PARP8: variants seen among roughly 807,000 people sequenced by gnomAD.
The protein encoded by PARP8 is poly(ADP-ribose) polymerase family member 8.
PARP8 carries 51 observed loss-of-function variants against 124.1 expected under a neutral mutation model. The ratio of observed to expected loss-of-function variants is 0.41; its 90% CI spans 0.33 to 0.52. The LOEUF is 0.52. Among genes scored for constraint, PARP8 ranks in the 20% least tolerant of loss-of-function variants. PARP8 has a pLI of 0.21. For synonymous variants in PARP8, 391 were observed against 361.5 expected, an observed-to-expected ratio of 1.08 and a Z score of -0.93; for missense variants, 860 against 1,018.9, an observed-to-expected ratio of 0.84 and a Z score of 2.12.
At chr5:50,689,586 T>G (rs1752267489) in intron 2 of PARP8, among the ~76,000 whole-genome samples, 1 of 152,196 alleles carries the variant, frequency 6.6e-6, no homozygotes, top group African/African-American at 2.4e-5. Context: ...TCACATTTCA[T>G]GGACTCACAT....
intron 17 of PARP8, among the ~76,000 whole-genome samples, chr5:50,823,808 G>A (rs559151456): frequency 7.9e-5 from 12 of 152,294 alleles, no homozygotes; most frequent in African/African-American, 1.7e-4. Context: ...ACGACTGAGC[G>A]TCAGCCTAGG....
chr5:50,714,500 C>T (rs980547428), intron 2 of PARP8, among the ~76,000 whole-genome samples: 5 of 152,006 alleles, frequency 3.3e-5, no homozygotes, highest in Non-Finnish European at 7.4e-5. Flanking sequence ...TGGTTTGCTG[C>T]GCCTATCAAC....
At chr5:50,759,228 A>AT (rs533684690) in intron 3 of PARP8, among the ~76,000 whole-genome samples, 26 of 149,960 alleles carry the variant, frequency 1.7e-4, no homozygotes, top group East Asian at 5.9e-4. Flanking sequence ...CCACTAATAA[A>AT]TTTTTTTTTT....
At position 50,764,327 on chromosome 5, in the gene PARP8, G is replaced by C. The variant is rs556503655; in HGVS notation, c.518+1085G>C. ...CATCATGGGACATGCATGAAATATA[G>C]GCTGCCGGCTTCCTGATTATTTTCA... On this transcript the variant is annotated intron_variant, in intron 7 of 25. Coordinates refer to ENST00000281631, the MANE Select transcript of PARP8 (RefSeq NM_024615.4). Among the ~76,000 whole-genome samples, 16 of 152,236 alleles carry C rather than the reference G, an allele frequency of 1.1e-4. No individual in the cohort carries two copies. In the South Asian group the frequency reaches 3.3e-3, roughly 32 times the overall value.
At chr5:50,810,687 A>G (rs1744339589) in intron 14 of PARP8, among the ~76,000 whole-genome samples, 2 of 152,054 alleles carry the variant, frequency 1.3e-5, no homozygotes, top group Admixed American at 1.3e-4. Context: ...CTTCTCGGAA[A>G]TAAAGTGTGA....
rs187614394 is a variant in PARP8 at position 50,679,512 on chromosome 5, G to A, written c.146+11387G>A. The stretch of plus-strand genomic sequence containing the variant: ...GAAGTCAAAAATCCTGTTTCAGGGT[G>A]GGCTCTAGAGCTTTTGTCTTGGGCC... On this transcript the variant is annotated intron_variant, in intron 2 of 25. Transcript: ENST00000281631. 2.7e-3 allele frequency among the ~76,000 whole-genome samples: 414 copies of A among 152,248 alleles called. 2 individuals carry two copies. Among genetic ancestry groups the A allele is most frequent in the Non-Finnish European group, 3.4e-3 (234 of 68,006 alleles).
intron 9 of PARP8, 33 bp from the exon 10 acceptor site, chr5:50,788,490 C>A: frequency 6.3e-7 from 1 of 1,593,930 alleles, no homozygotes. Context: ...AGTTTCAAGT[C>A]AATATGTGAC....
chr5:50,805,993 C>G (rs1468988953), intron 14 of PARP8, among the ~76,000 whole-genome samples: 1 of 152,012 alleles, frequency 6.6e-6, no homozygotes, highest in African/African-American at 2.4e-5. Flanking sequence ...TCAGTACTCA[C>G]CTGTTGATAT....
rs957040725 is a variant in PARP8 at position 50,813,278 on chromosome 5, G to C, written c.1576-2154G>C. Among the ~76,000 whole-genome samples the C allele has an allele frequency of 2.9e-3, 440 of 152,252 alleles. 2 individuals carry two copies. The highest frequency in any genetic ancestry group is 0.01 in the African/African-American group (426 of 41,548). On this transcript the variant is annotated intron_variant, in intron 14 of 25. Transcript: ENST00000281631. ...TCCTCTTTTATTTCGTTGAGCAGTG[G>C]TTTGTAGTTCTCCTTGAAGAGGTCC...
At chr5:50,707,054 T>G (rs1164077244) in intron 2 of PARP8, among the ~76,000 whole-genome samples, 1 of 152,090 alleles carries the variant, frequency 6.6e-6, no homozygotes, top group Non-Finnish European at 1.5e-5. Context: ...AAGTGTTAGA[T>G]TTGCATATAT....
At chr5:50,721,955 GC>G in intron 2 of PARP8, among the ~76,000 whole-genome samples, 1 of 152,018 alleles carries the variant, frequency 6.6e-6, no homozygotes, top group South Asian at 2.1e-4. Context: ...TCTATATCAT[GC>G]CCTAAAAATG....
At chr5:50,675,899 C>G (rs1405491037) in intron 2 of PARP8, among the ~76,000 whole-genome samples, 1 of 152,140 alleles carries the variant, frequency 6.6e-6, no homozygotes, top group African/African-American at 2.4e-5. Context: ...ACTCCAACTC[C>G]TAGCCAACTG....
chr5:50,774,942 C>A (rs1739795041), intron 7 of PARP8, among the ~76,000 whole-genome samples: 2 of 147,018 alleles, frequency 1.4e-5, no homozygotes, highest in African/African-American at 5.1e-5. Context: ...GGCAGAGGCG[C>A]TCCCCACTTC....
chr5:50,845,948 G>A lies in PARP8; in HGVS notation c.*3880G>A, dbSNP rs1414973097. 3 of 151,644 alleles carry A rather than the reference G, an allele frequency of 2.0e-5. No individual in the cohort carries two copies. The highest frequency in any genetic ancestry group is 4.4e-5 in the Non-Finnish European group (3 of 67,770). The allele number at this position is 151,644 out of a possible 1,614,324, so 9.4% of individuals were successfully genotyped here. ...CCAGTAAATTCTTCTTGGGAATTTT[G>A]TATACATTATGGAATATTAGGATAA... On this transcript the variant is annotated 3_prime_UTR_variant, in exon 26 of 26. Coordinates refer to ENST00000281631, the MANE Select transcript of PARP8 (RefSeq NM_024615.4).
intron 12 of PARP8, among the ~76,000 whole-genome samples, chr5:50,795,803 A>C (rs1214390715): frequency 6.6e-6 from 1 of 152,156 alleles, no homozygotes; most frequent in African/African-American, 2.4e-5. Context: ...GGAGGACCAC[A>C]TTTTTCTTGT....
At position 50,794,901 on chromosome 5, in the gene PARP8, G is replaced by A. The variant is rs770955950; in HGVS notation, c.912G>A (p.Leu304=). The A allele has an allele frequency of 5.6e-6, 9 of 1,614,152 alleles. No homozygotes were observed. Among genetic ancestry groups the A allele is most frequent in the Non-Finnish European group, 5.9e-6 (7 of 1,180,032 alleles). Residue 304 remains leucine, a synonymous_variant, in exon 12 of 26, where the codon CTG becomes CTA. Transcript: ENST00000281631. The stretch of plus-strand genomic sequence containing the variant: ...GTTGTGGCAAAAGCAAATCCAAACT[G>A]AAATCTGAGCAGGACGGAATCTCCA... The part of the protein sequence containing the change: ...PPGCGKSKSK[L]KSEQDGISKT...
chr5:50,718,376 A>G (rs73101022), intron 2 of PARP8, among the ~76,000 whole-genome samples: 3,382 of 152,052 alleles, frequency 0.022, 129 homozygotes, highest in African/African-American at 0.078. Context: ...TAAATGTCTT[A>G]TTGACTAAAT....
intron 16 of PARP8, among the ~76,000 whole-genome samples, 175 bp downstream of exon 16, chr5:50,821,513 A>T (rs368789849): frequency 1.3e-5 from 2 of 152,140 alleles, no homozygotes; most frequent in South Asian, 2.1e-4. Context: ...ACATAACCTC[A>T]TTTTGATTTT....
At chr5:50,674,059 G>A (rs1461754540) in intron 2 of PARP8, among the ~76,000 whole-genome samples, 1 of 151,864 alleles carries the variant, frequency 6.6e-6, no homozygotes, top group Non-Finnish European at 1.5e-5. Flanking sequence ...TCCATCTTTC[G>A]TGTTCCCCAG....
Sources: gnomAD v4.1 joint callset for allele counts (sites outside exome capture counted in the v4.1 genomes callset) on GRCh38, gnomAD v4.1.1 for gene constraint, MANE v1.5 for transcripts, NCBI Gene and HGNC (gene_info 2026-07-23, HGNC 2026-07-21) for gene names.